ZBTB44: variants seen among roughly 807,000 people sequenced by gnomAD.
The protein encoded by ZBTB44 is zinc finger and BTB domain-containing protein 44.
ZBTB44 carries 15 observed loss-of-function variants against 54.0 expected under a neutral mutation model. That is an observed-to-expected ratio of 0.28 (90% CI 0.19 to 0.43). The LOEUF (loss-of-function observed/expected upper bound fraction) is 0.43, where lower values mean the gene tolerates loss of function less well. Among genes scored for constraint, ZBTB44 ranks in the 20% least tolerant of loss-of-function variants. ZBTB44 has a pLI of 1.00. For synonymous variants in ZBTB44, 230 were observed against 250.1 expected (o/e 0.92, Z 0.76); for missense variants, 487 against 707.1 (o/e 0.69, Z 3.53).
At chr11:130,262,554 T>C (rs1224122358) in intron 1 of ZBTB44, among the ~76,000 whole-genome samples, 1 of 152,240 alleles carries the variant, frequency 6.6e-6, no homozygotes, top group Non-Finnish European at 1.5e-5. Flanking sequence ...TAATAGTTAG[T>C]TGATTGTCAT....
chr11:130,293,993 C>A (rs1255532650), intron 1 of ZBTB44, among the ~76,000 whole-genome samples: 4 of 152,246 alleles, frequency 2.6e-5, no homozygotes, highest in African/African-American at 9.6e-5. Flanking sequence ...TTAGTAGTCA[C>A]CAAGTCATGC....
At chr11:130,252,794 C>A (rs997772258) in intron 2 of ZBTB44, among the ~76,000 whole-genome samples, 10 of 152,174 alleles carry the variant, frequency 6.6e-5, no homozygotes, top group Non-Finnish European at 1.2e-4. Context: ...CACTGATGAA[C>A]ATCAATGCAA....
intron 1 of ZBTB44, among the ~76,000 whole-genome samples, chr11:130,308,102 C>T (rs1942379170): frequency 6.6e-6 from 1 of 152,178 alleles, no homozygotes; most frequent in Admixed American, 6.5e-5. Flanking sequence ...CACTGCATTA[C>T]AAAAGCCTAC....
intron 5 of ZBTB44, among the ~76,000 whole-genome samples, chr11:130,236,397 T>C (rs973699885): frequency 6.6e-6 from 1 of 152,168 alleles, no homozygotes; most frequent in Non-Finnish European, 1.5e-5. Flanking sequence ...TAGAGAGAAG[T>C]GGTAAAGAAT....
rs1341821378 is a variant in ZBTB44, at chr11:130,236,843, C to T, written c.1518G>A (p.Leu506=). Reference sequence around the variant, plus strand: ...CTGATGCTTCATGGTTCAGACTCCTCAGGTGCACGATTAAATTTCCAGAGT... The same window carrying T: ...CTGATGCTTCATGGTTCAGACTCCTTAGGTGCACGATTAAATTTCCAGAGT... The part of the protein sequence containing the change: ...FTNSGNLIVH[L]RSLNHEASEL... Residue 506 remains leucine (L), a synonymous_variant, in exon 5 of 8, where the codon CTG becomes CTA. Coordinates refer to ENST00000357899, the MANE Select transcript of ZBTB44 (RefSeq NM_001301098.2). 1 of 1,471,404 alleles carries T rather than the reference C, an allele frequency of 6.8e-7. No individual in the cohort carries two copies. Among genetic ancestry groups the T allele is most frequent in the African/African-American group, 1.4e-5 (1 of 70,046 alleles). The allele number at this position is 1,471,404 out of a possible 1,614,324, so 91.1% of individuals were successfully genotyped here.
intron 1 of ZBTB44, among the ~76,000 whole-genome samples, chr11:130,312,681 T>G (rs182278758): frequency 2.6e-5 from 4 of 152,308 alleles, no homozygotes; most frequent in African/African-American, 9.6e-5. Flanking sequence ...GGATGGATAC[T>G]CTTCATTTTA....
At chr11:130,295,398 A>T (rs1438734408) in intron 1 of ZBTB44, among the ~76,000 whole-genome samples, 3 of 152,192 alleles carry the variant, frequency 2.0e-5, no homozygotes, top group Admixed American at 2.0e-4. Flanking sequence ...GAATCAAAAG[A>T]GAAAAATGGT....
chr11:130,311,222 T>C (rs1942581180), intron 1 of ZBTB44, among the ~76,000 whole-genome samples: 1 of 152,120 alleles, frequency 6.6e-6, no homozygotes, highest in African/African-American at 2.4e-5. Flanking sequence ...ATTATTTTTT[T>C]TGGAGACAGG....
At position 130,238,606 on chromosome 11, in the gene ZBTB44, A is replaced by T; in HGVS notation, c.1105T>A (p.Leu369Met). The T allele has an allele frequency of 6.2e-7, 1 of 1,609,890 alleles. No individual in the cohort carries two copies. The highest frequency in any genetic ancestry group is 8.5e-7 in the Non-Finnish European group (1 of 1,178,354). Residue 369 changes from leucine (L) to methionine (M), a missense_variant and splice_region_variant, in exon 4 of 8, where the codon TTG becomes ATG. Leu to Met is a conservative substitution (Grantham distance 15). Coordinates refer to ENST00000357899, the MANE Select transcript of ZBTB44 (RefSeq NM_001301098.2). ...TGGTAGGGATACTGAACATTTTCCAATCTAAAAAAAACAGACCAAAGAAGG... is the reference window on the plus strand; with the variant it reads ...TGGTAGGGATACTGAACATTTTCCATTCTAAAAAAAACAGACCAAAGAAGG... ...TNAPPDDDDR[L>M]ENVQYPYQLY... is the part of the protein sequence containing the mutation.
chr11:130,256,318 C>T (rs188819610), intron 2 of ZBTB44, among the ~76,000 whole-genome samples: 76 of 152,280 alleles, frequency 5.0e-4, no homozygotes, highest in African/African-American at 1.7e-3. Context: ...TAATCCATCA[C>T]GTAAAACAGA....
chr11:130,258,297 A>T (rs530514558), intron 2 of ZBTB44, among the ~76,000 whole-genome samples: 1 of 152,198 alleles, frequency 6.6e-6, no homozygotes, highest in Non-Finnish European at 1.5e-5. Flanking sequence ...TTCAATATAC[A>T]TATTCAGTAT....
At chr11:130,260,761 C>A in intron 2 of ZBTB44, 95 bp downstream of exon 2, 1 of 1,358,648 alleles carries the variant, frequency 7.4e-7, no homozygotes, top group Non-Finnish European at 9.8e-7. Context: ...TTTATATTTC[C>A]TATATGACCG....
At chr11:130,313,263 T>C (rs1210146595) in intron 1 of ZBTB44, among the ~76,000 whole-genome samples, 1 of 152,212 alleles carries the variant, frequency 6.6e-6, no homozygotes, top group Non-Finnish European at 1.5e-5. Flanking sequence ...CAAGTAATAA[T>C]ATCTGCATCA....
At chr11:130,282,087 C>T (rs1940571670) in intron 1 of ZBTB44, among the ~76,000 whole-genome samples, 1 of 152,186 alleles carries the variant, frequency 6.6e-6, no homozygotes, top group South Asian at 2.1e-4. Flanking sequence ...TAAACTAAAG[C>T]CTACATCATC....
intron 1 of ZBTB44, among the ~76,000 whole-genome samples, chr11:130,274,089 TA>T (rs796558116): frequency 8.1e-4 from 115 of 141,162 alleles, no homozygotes; most frequent in South Asian, 1.6e-3. Context: ...TTGTCTCAAA[TA>T]AAAAAAAAAA....
chr11:130,266,377 A>G (rs772541830), intron 1 of ZBTB44, among the ~76,000 whole-genome samples: 2 of 152,208 alleles, frequency 1.3e-5, no homozygotes, highest in Non-Finnish European at 2.9e-5. Context: ...GAGGATGTAC[A>G]TGACTGATGT....
chr11:130,261,016 ATCT>A lies in ZBTB44; in HGVS notation c.855_857del (p.Glu285del), dbSNP rs773084109. On this transcript the variant is annotated inframe_deletion, in exon 2 of 8. Transcript: ENST00000357899. This position sits in a 1 kb window ranked among gnomAD's most constrained non-coding sequence, Gnocchi z 4.8. ...TTAATCTTTCTACTTTGACCCGGAC[ATCT>A]TCTTCGGTACCTAAAGGCAAGGTAG... 60 of 1,613,854 alleles carry A rather than the reference ATCT, an allele frequency of 3.7e-5. No homozygotes were observed. Among genetic ancestry groups the A allele is most frequent in the African/African-American group, 1.3e-4 (10 of 74,916 alleles).
chr11:130,261,931 TA>T lies in ZBTB44; in HGVS notation c.-56-3del, dbSNP rs1405251787. 1.4e-5 allele frequency: 20 copies of T among 1,477,360 alleles called. No homozygotes were observed. The highest frequency in any genetic ancestry group is 2.8e-5 in the African/African-American group (2 of 71,098). The allele number at this position is 1,477,360 out of a possible 1,614,324, so 91.5% of individuals were successfully genotyped here. On this transcript the variant is annotated splice_polypyrimidine_tract_variant and splice_region_variant and intron_variant, in intron 1 of 7. Transcript: ENST00000357899. The surrounding 1 kb of genome is among the most constrained non-coding windows in gnomAD (Gnocchi z 4.8). Reference sequence around the variant, plus strand: ...GGATGCAAATAAATCAGAAATGTCCTAAAAAATACATAAAATAAAGCATTAA... The same window carrying T: ...GGATGCAAATAAATCAGAAATGTCCTAAAAATACATAAAATAAAGCATTAA...
chr11:130,261,985 T>C lies in ZBTB44; in HGVS notation c.-56-56A>G. ...GATATTTTAGTGGTTTAAAATGTGA[T>C]TTAGATCATTTTCATGTGGCCACTG... On this transcript the variant is annotated intron_variant, in intron 1 of 7. Coordinates refer to ENST00000357899, the MANE Select transcript of ZBTB44 (RefSeq NM_001301098.2). This position sits in a 1 kb window ranked among gnomAD's most constrained non-coding sequence, Gnocchi z 4.8. 2 of 1,261,220 alleles carry C rather than the reference T, an allele frequency of 1.6e-6. 1 individual carries two copies. Among genetic ancestry groups the C allele is most frequent in the South Asian group, 3.2e-5 (2 of 61,630 alleles). The allele number at this position is 1,261,220 out of a possible 1,614,324, so 78.1% of individuals were successfully genotyped here.
Sources: allele counts gnomAD v4.1 joint callset (sites outside exome capture counted in the v4.1 genomes callset), GRCh38; gene constraint gnomAD v4.1.1; non-coding constraint Gnocchi (gnomAD v3.1); transcripts MANE v1.5; gene names NCBI Gene and HGNC (gene_info 2026-07-23, HGNC 2026-07-21).